Variants in SEPTIN6 observed in about 807,000 individuals in gnomAD.
SEPTIN6 encodes septin-6.
Under a neutral mutation model 33.6 loss-of-function variants are expected in SEPTIN6, and 8 were observed. The ratio of observed to expected loss-of-function variants is 0.24; its 90% confidence interval spans 0.14 to 0.43. The LOEUF is 0.43. Among genes scored for constraint, SEPTIN6 ranks in the 20% least tolerant of loss-of-function variants. SEPTIN6 has a pLI of 1.00. For missense variants in SEPTIN6, 250 were observed against 340.8 expected (o/e 0.73, Z 2.10); for synonymous variants, 131 against 140.0 (o/e 0.94, Z 0.45).
intron 1 of SEPTIN6, among the ~76,000 whole-genome samples, chrX:119,677,644 G>A (rs2054863084): frequency 8.9e-6 from 1 of 112,334 alleles, no homozygotes; most frequent in Non-Finnish European, 1.9e-5. Flanking sequence ...CATAATAAGG[G>A]CACATTTTCA....
chrX:119,642,177 CAA>C lies in SEPTIN6; in HGVS notation c.691-1391_691-1390del, dbSNP rs1188953936. On this transcript the variant is annotated intron_variant, in intron 5 of 10. Coordinates refer to ENST00000394610, the MANE Select transcript of SEPTIN6 (RefSeq NM_145799.4). The stretch of plus-strand genomic sequence containing the variant: ...TGGGTGACAGAGCAAGACCCAGTCT[CAA>C]AAAAAAAAAAAAAAAAAAGAAAAAT... 2.0e-3 allele frequency among the ~76,000 whole-genome samples: 91 copies of C among 45,352 alleles called. 1 individual carries two copies. Among genetic ancestry groups the C allele is most frequent in the African/African-American group, 4.7e-3 (66 of 14,009 alleles). 39.4% of individuals were successfully genotyped at this position (45,352 alleles called of 115,157 possible).
At chrX:119,657,138 G>C (rs1417841251) in intron 3 of SEPTIN6, among the ~76,000 whole-genome samples, 1 of 105,224 alleles carries the variant, frequency 9.5e-6, no homozygotes, top group African/African-American at 3.5e-5. Context: ...AGAATTGCTT[G>C]AACCTGGGAG....
intron 7 of SEPTIN6, among the ~76,000 whole-genome samples, chrX:119,636,748 G>A (rs1355348138): frequency 9.0e-6 from 1 of 111,627 alleles, no homozygotes; most frequent in Non-Finnish European, 1.9e-5. Context: ...TGTGTGTGGT[G>A]ATCAGCCTTG....
intron 2 of SEPTIN6, among the ~76,000 whole-genome samples, chrX:119,665,083 A>T (rs1288027854): frequency 9.4e-6 from 1 of 106,932 alleles, no homozygotes; most frequent in Non-Finnish European, 1.9e-5. Context: ...CAGGCCACAA[A>T]AATTCTTCTT....
At chrX:119,667,915 C>A (rs1372073305) in intron 2 of SEPTIN6, among the ~76,000 whole-genome samples, 1 of 111,905 alleles carries the variant, frequency 8.9e-6, no homozygotes, top group Non-Finnish European at 1.9e-5. Flanking sequence ...GATTTCATCT[C>A]ACTTTGCTTA....
intron 2 of SEPTIN6, among the ~76,000 whole-genome samples, chrX:119,667,584 G>A (rs1368485891): frequency 9.0e-6 from 1 of 111,168 alleles, no homozygotes; most frequent in African/African-American, 3.3e-5. Flanking sequence ...TTCCATCAGT[G>A]TAGAGCCTGG....
rs1043476935 is a variant in SEPTIN6 at position 119,678,357 on chromosome X, A to G, written c.31-2689T>C. Among the ~76,000 whole-genome samples the G allele has an allele frequency of 6.5e-4, 71 of 109,791 alleles. 1 individual carries two copies. Among genetic ancestry groups the G allele is most frequent in the Non-Finnish European group, 1.0e-3 (55 of 52,613 alleles). ...AACACGGTGAAACCCCGTCTCTACTAAAAATACAAAAAATTAGCCGGGCGT... is the reference window on the plus strand; with the variant it reads ...AACACGGTGAAACCCCGTCTCTACTGAAAATACAAAAAATTAGCCGGGCGT... On this transcript the variant is annotated intron_variant, in intron 1 of 10. Transcript: ENST00000394610.
chrX:119,653,478 T>C (rs2054382868), intron 3 of SEPTIN6, among the ~76,000 whole-genome samples: 1 of 112,688 alleles, frequency 8.9e-6, no homozygotes, highest in East Asian at 2.8e-4. Context: ...TGAAGGGCAC[T>C]TGTCTGTCCC....
At chrX:119,670,560 C>CA (rs764828469) in intron 2 of SEPTIN6, among the ~76,000 whole-genome samples, 1,191 of 39,373 alleles carry the variant, frequency 0.03, 38 homozygotes, top group African/African-American at 0.072. Flanking sequence ...GACTCTGTCT[C>CA]AAAAAAAAAA....
chrX:119,682,927 T>C (rs2054987924), intron 1 of SEPTIN6, among the ~76,000 whole-genome samples: 1 of 112,491 alleles, frequency 8.9e-6, no homozygotes, highest in Admixed American at 9.5e-5. Context: ...AGGCTGTCCC[T>C]AAACTTTCTC....
Position 119,617,087 on chromosome X carries a change from G to C in SEPTIN6, c.*3006C>G. On this transcript the variant is annotated 3_prime_UTR_variant, in exon 11 of 11. Transcript: ENST00000394610. ...AAACTTCTTGGCTTAAGAGAAGTGA[G>C]GGATGTGTGTACGTGTGTGTGTGTG... 1 of 889,062 alleles carries C rather than the reference G, an allele frequency of 1.1e-6. No homozygotes were observed. The highest frequency in any genetic ancestry group is 6.6e-5 in the Admixed American group (1 of 15,168). 73.3% of individuals were successfully genotyped at this position (889,062 alleles called of 1,213,427 possible). A position where few individuals can be genotyped will look rare whatever the true frequency, so the allele number is the denominator to read the frequency against.
chrX:119,664,670 A>AAT (rs1332689230), intron 2 of SEPTIN6, among the ~76,000 whole-genome samples: 4 of 107,721 alleles, frequency 3.7e-5, no homozygotes, highest in Non-Finnish European at 5.8e-5. Context: ...TCTACCAAAA[A>AAT]ATATATATAT....
chrX:119,629,433 G>C lies in SEPTIN6; in HGVS notation c.1165C>G (p.Leu389Val). ...KKKLEDKKKS[L>V]DDEVNAFKQR... The stretch of plus-strand genomic sequence containing the variant: ...TTGAAAGCATTCACTTCATCATCCA[G>C]GGATTTCTTCTTATCCTCCAGTTTC... Residue 389 changes from leucine (L) to valine (V), a missense_variant, in exon 9 of 11, where the codon CTG becomes GTG. This residue lies in a region of SEPTIN6 where 139 missense variants were observed against 227.0 expected (regional missense o/e 0.61). Transcript: ENST00000394610. The C allele has an allele frequency of 8.3e-7, 1 of 1,211,464 alleles. No homozygotes were observed. The highest frequency in any genetic ancestry group is 3.0e-5 in the East Asian group (1 of 33,855).
At chrX:119,675,531 T>C (rs1397346523) in intron 2 of SEPTIN6, 23 bp downstream of exon 2, 4 of 962,431 alleles carry the variant, frequency 4.2e-6, no homozygotes, top group Non-Finnish European at 4.2e-6. Context: ...TGTAATAGAA[T>C]TTCCTGCTAT....
chrX:119,678,150 G>GTC (rs1393590485), intron 1 of SEPTIN6, among the ~76,000 whole-genome samples: 1 of 111,039 alleles, frequency 9.0e-6, no homozygotes, highest in African/African-American at 3.3e-5. Context: ...GAGGTGGGAG[G>GTC]ATCACCTGAG....
In SEPTIN6 at chrX:119,617,282, A is replaced by G. The variant is rs1261292145; in HGVS notation, c.*2811T>C. 1 of 804,196 alleles carries G rather than the reference A, an allele frequency of 1.2e-6. No homozygotes were observed. Among genetic ancestry groups the G allele is most frequent in the African/African-American group, 2.2e-5 (1 of 45,672 alleles). 66.3% of individuals were successfully genotyped at this position (804,196 alleles called of 1,213,427 possible). On this transcript the variant is annotated 3_prime_UTR_variant, in exon 11 of 11. Coordinates refer to ENST00000394610, the MANE Select transcript of SEPTIN6 (RefSeq NM_145799.4). ...ATAGTAACAGTTGTACTAATTTAAAAGCCTTTTCATTGAAGAAGGAAAAAA... is the reference window on the plus strand; with the variant it reads ...ATAGTAACAGTTGTACTAATTTAAAGGCCTTTTCATTGAAGAAGGAAAAAA...
At chrX:119,661,698 C>G (rs2054549864) in intron 3 of SEPTIN6, among the ~76,000 whole-genome samples, 1 of 110,745 alleles carries the variant, frequency 9.0e-6, no homozygotes, top group Non-Finnish European at 1.9e-5. Flanking sequence ...CATCTCTGAG[C>G]CTCACCTAGT....
intron 3 of SEPTIN6, among the ~76,000 whole-genome samples, chrX:119,657,775 A>T (rs1237694106): frequency 9.0e-6 from 1 of 111,601 alleles, no homozygotes; most frequent in African/African-American, 3.3e-5. Context: ...GGCCCCACAA[A>T]GTGTTGGGAT....
chrX:119,659,396 G>A (rs6646444), intron 3 of SEPTIN6, among the ~76,000 whole-genome samples: 5,664 of 111,088 alleles, frequency 0.051, 325 homozygotes, highest in African/African-American at 0.17. Context: ...AGTTCCCCTC[G>A]AATTATTATT....
Sources: allele counts gnomAD v4.1 joint callset (sites outside exome capture counted in the v4.1 genomes callset), GRCh38; gene constraint gnomAD v4.1.1; regional missense constraint gnomAD v4.1.1; transcripts MANE v1.5; gene names NCBI Gene and HGNC (gene_info 2026-07-23, HGNC 2026-07-21).